SCAMP1: variants seen among roughly 807,000 people sequenced by gnomAD.
SCAMP1 encodes the protein secretory carrier-associated membrane protein 1.
SCAMP1 carries 15 observed loss-of-function variants against 41.8 expected under a neutral mutation model. The observed-to-expected ratio is 0.36, with a 90% confidence interval of 0.24 to 0.55. SCAMP1 has a LOEUF of 0.55. Among genes scored for constraint, SCAMP1 ranks in the 20% least tolerant of loss-of-function variants. The pLI, the probability that SCAMP1 is intolerant of heterozygous loss-of-function variation, is 0.86. For synonymous variants in SCAMP1, 135 were observed against 136.8 expected (o/e 0.99, Z 0.09); for missense variants, 341 against 412.6 (o/e 0.83, Z 1.50).
At position 78,426,665 on chromosome 5, in the gene SCAMP1, G is replaced by A. The variant is rs147874722; in HGVS notation, c.632+4705G>A. 4.4e-4 allele frequency among the ~76,000 whole-genome samples: 67 copies of A among 152,260 alleles called. 1 individual carries two copies. The highest frequency in any genetic ancestry group is 1.6e-3 in the African/African-American group (65 of 41,554). On this transcript the variant is annotated intron_variant, in intron 6 of 8. Transcript: ENST00000621999. ...AGTTGTGCAATCATTACCACAATCAGTTTTAGAACTTTTCCATCCTTCCCA... is the reference window on the plus strand; with the variant it reads ...AGTTGTGCAATCATTACCACAATCAATTTTAGAACTTTTCCATCCTTCCCA...
Position 78,469,890 on chromosome 5 carries a change from T to TA in SCAMP1, c.853-5592dup, listed in dbSNP as rs141989832. ...TACCCTCCAACCCCTTACAAGACAT[T>TA]AAAAAAAAAAAAAAAAAAAAAACAA... On this transcript the variant is annotated intron_variant, in intron 8 of 8. Transcript: ENST00000621999. Among the ~76,000 whole-genome samples the TA allele has an allele frequency of 4.0e-3, 60 of 15,018 alleles. 5 individuals are homozygous for TA. Among genetic ancestry groups the TA allele is most frequent in the Admixed American group, 8.7e-3 (8 of 916 alleles). 9.9% of individuals were successfully genotyped at this position (15,018 alleles called of 152,430 possible). A position where few individuals can be genotyped will look rare whatever the true frequency, so the allele number is the denominator to read the frequency against.
At chr5:78,443,659 T>TTC (rs1752984650) in intron 6 of SCAMP1, among the ~76,000 whole-genome samples, 1 of 140,898 alleles carries the variant, frequency 7.1e-6, no homozygotes. Flanking sequence ...TTTGCTTTTT[T>TTC]TTTTTTTTTT....
At chr5:78,387,617 C>T (rs1006248548) in intron 1 of SCAMP1, among the ~76,000 whole-genome samples, 1 of 152,076 alleles carries the variant, frequency 6.6e-6, no homozygotes, top group Non-Finnish European at 1.5e-5. Flanking sequence ...AACTCAAGGG[C>T]TGCTGTTCAG....
At chr5:78,461,898 G>A (rs1232657701) in intron 8 of SCAMP1, among the ~76,000 whole-genome samples, 1 of 152,096 alleles carries the variant, frequency 6.6e-6, no homozygotes, top group Admixed American at 6.5e-5. Flanking sequence ...CTCTGGCTTT[G>A]TTCTTTTTGC....
At chr5:78,368,781 A>C (rs1430905941) in intron 1 of SCAMP1, among the ~76,000 whole-genome samples, 1 of 152,102 alleles carries the variant, frequency 6.6e-6, no homozygotes, top group Non-Finnish European at 1.5e-5. Flanking sequence ...GAAATAGGAG[A>C]GCTCCCATCA....
intron 7 of SCAMP1, among the ~76,000 whole-genome samples, chr5:78,453,110 G>T (rs1301532542): frequency 2.0e-5 from 3 of 150,334 alleles, no homozygotes; most frequent in African/African-American, 7.5e-5. Context: ...AGTAGGTTGC[G>T]AAAATTTTCT....
chr5:78,398,412 T>G (rs1320543535), intron 2 of SCAMP1, among the ~76,000 whole-genome samples: 1 of 134,988 alleles, frequency 7.4e-6, no homozygotes, highest in Non-Finnish European at 1.6e-5. Context: ...TTGCCCAGGC[T>G]TCAGTGCAGT....
chr5:78,415,930 T>A (rs1752199324), intron 3 of SCAMP1, among the ~76,000 whole-genome samples: 1 of 152,188 alleles, frequency 6.6e-6, no homozygotes. Context: ...GAATAATAGA[T>A]ATTATTGGGA....
chr5:78,461,386 T>C (rs531717989), intron 8 of SCAMP1, among the ~76,000 whole-genome samples: 6 of 152,330 alleles, frequency 3.9e-5, no homozygotes, highest in South Asian at 2.1e-4. Context: ...TTTATTCTTC[T>C]GCATGTGGCT....
intron 8 of SCAMP1, 81 bp downstream of exon 8, chr5:78,459,443 T>A: frequency 1.4e-6 from 1 of 716,870 alleles, no homozygotes; most frequent in Non-Finnish European, 2.4e-6. Context: ...TAATTTGGTG[T>A]AACCTGAAGC....
chr5:78,383,846 A>G (rs528236794), intron 1 of SCAMP1, among the ~76,000 whole-genome samples: 1 of 152,144 alleles, frequency 6.6e-6, no homozygotes, highest in Non-Finnish European at 1.5e-5. Flanking sequence ...CTTATGGTAT[A>G]GTTTGAAGTC....
chr5:78,463,178 T>G (rs1753660548), intron 8 of SCAMP1, among the ~76,000 whole-genome samples: 1 of 152,226 alleles, frequency 6.6e-6, no homozygotes, highest in Non-Finnish European at 1.5e-5. Flanking sequence ...CACTCAGCTC[T>G]CTAATGTTAC....
chr5:78,415,741 A>G (rs1752194804), intron 3 of SCAMP1, 123 bp downstream of exon 3: 3 of 648,568 alleles, frequency 4.6e-6, no homozygotes, highest in Non-Finnish European at 5.3e-6. Context: ...ACTCACTTTC[A>G]AGTCTGGATT....
rs181206424 is a variant in SCAMP1, at chr5:78,460,050, G to A, written c.852+688G>A. 2.1e-4 allele frequency among the ~76,000 whole-genome samples: 32 copies of A among 152,144 alleles called. 1 individual carries two copies. The highest frequency in any genetic ancestry group is 1.7e-3 in the South Asian group (8 of 4,818). ...GTGTTAATTCACTTAGGATAATGGCGTGCAGCTGCATCTATGTTGCTACGA... is the reference window on the plus strand; with the variant it reads ...GTGTTAATTCACTTAGGATAATGGCATGCAGCTGCATCTATGTTGCTACGA... On this transcript the variant is annotated intron_variant, in intron 8 of 8. Transcript: ENST00000621999.
chr5:78,473,179 C>G (rs10065805), intron 8 of SCAMP1, among the ~76,000 whole-genome samples: 68,723 of 151,990 alleles, frequency 0.45, 16,322 homozygotes, highest in Non-Finnish European at 0.5. Context: ...ATGTATTTGT[C>G]AGTGCTCTTT....
chr5:78,460,920 A>G (rs1294525366), intron 8 of SCAMP1, among the ~76,000 whole-genome samples: 2 of 151,232 alleles, frequency 1.3e-5, no homozygotes, highest in African/African-American at 2.4e-5. Context: ...CAGTGGCTCA[A>G]TCTCAGCTCA....
At position 78,449,941 on chromosome 5, in the gene SCAMP1, G is replaced by T. The variant is rs764476576; in HGVS notation, c.641G>T (p.Ser214Ile). Residue 214 changes from serine (S) to isoleucine (I), a missense_variant, in exon 7 of 9, where the codon AGT becomes ATT. Transcript: ENST00000621999. Reference sequence around the variant, plus strand: ...CTTTTTTTTTTTCAAAGGAGTGACAGTTCATTTAGATTCTTTGTATTCTTC... The same window carrying T: ...CTTTTTTTTTTTCAAAGGAGTGACATTTCATTTAGATTCTTTGTATTCTTC... ...RPLYGAFRSD[S>I]SFRFFVFFFV... 6.6e-7 allele frequency: 1 copy of T among 1,511,228 alleles called. No individual in the cohort carries two copies. 93.6% of individuals were successfully genotyped at this position (1,511,228 alleles called of 1,614,324 possible). A position where few individuals can be genotyped will look rare whatever the true frequency, so the allele number is the denominator to read the frequency against.
rs371594192 is a variant in SCAMP1, at chr5:78,442,268, TTTTG to T, written c.633-7649_633-7646del. 7.2e-5 allele frequency among the ~76,000 whole-genome samples: 11 copies of T among 152,264 alleles called. No homozygotes were observed. The South Asian group carries it at 1.5e-3, about 20-fold the overall frequency. ...TTATTTGCAGAAAAATGTTTGAGTTTTTTGTTTGTTTGTTTGTTTTGAGACAGAG... is the reference window on the plus strand; with the variant it reads ...TTATTTGCAGAAAAATGTTTGAGTTTTTTGTTTGTTTGTTTTGAGACAGAG... On this transcript the variant is annotated intron_variant, in intron 6 of 8. Coordinates refer to ENST00000621999, the MANE Select transcript of SCAMP1 (RefSeq NM_004866.6).
intron 6 of SCAMP1, among the ~76,000 whole-genome samples, chr5:78,426,856 G>A (rs898716290): frequency 3.3e-5 from 5 of 152,124 alleles, no homozygotes; most frequent in Admixed American, 2.6e-4. Context: ...TTAGAATAAC[G>A]TTTTTGAGGT....
Sources: allele counts gnomAD v4.1 joint callset (sites outside exome capture counted in the v4.1 genomes callset), GRCh38; gene constraint gnomAD v4.1.1; transcripts MANE v1.5; gene names NCBI Gene and HGNC (gene_info 2026-07-23, HGNC 2026-07-21).